The following POC1A variants were observed in gnomAD, a reference collection of about 807,000 sequenced individuals.
POC1A encodes POC1 centriolar protein A, also known as POC1 centriolar protein homolog A.
A neutral mutation model predicts 47.8 loss-of-function variants in POC1A; 34 were observed. The observed-to-expected ratio is 0.71, with a 90% CI of 0.54 to 0.95. POC1A has a LOEUF of 0.95. Ranked by LOEUF, POC1A falls within the 40% of genes least tolerant of loss-of-function variation. The pLI is 0.00. For missense variants in POC1A, 466 were observed against 528.3 expected, an observed-to-expected ratio of 0.88 and a Z score of 1.16; for synonymous variants, 177 against 207.6, an observed-to-expected ratio of 0.85 and a Z score of 1.27.
chr3:52,102,662 A>G (rs531640364), intron 9 of POC1A, among the ~76,000 whole-genome samples: 1 of 152,252 alleles, frequency 6.6e-6, no homozygotes, highest in African/African-American at 2.4e-5. Context: ...GGAGGCTCCC[A>G]TTCAACACAC....
chr3:52,125,036 A>G lies in POC1A; in HGVS notation c.882+77T>C, dbSNP rs1358606619. On this transcript the variant is annotated intron_variant, in intron 8 of 10. Transcript: ENST00000296484. ...CTGGCGAAACCCAGCCCATCCCCCA[A>G]ACACCCTGTTTGGTTCTGAGCAGAA... 4.2e-6 allele frequency: 5 copies of G among 1,185,282 alleles called. No homozygotes were observed. In the East Asian group the frequency reaches 1.2e-4, roughly 28 times the overall value. 73.4% of individuals were successfully genotyped at this position (1,185,282 alleles called of 1,614,324 possible). A position where few individuals can be genotyped will look rare whatever the true frequency, so the allele number is the denominator to read the frequency against.
At chr3:52,096,910 T>C (rs1311031854) in intron 9 of POC1A, among the ~76,000 whole-genome samples, 198 bp from the exon 10 acceptor site, 1 of 152,220 alleles carries the variant, frequency 6.6e-6, no homozygotes, top group Non-Finnish European at 1.5e-5. Flanking sequence ...GGCAGAGGCC[T>C]TAAGTGGGGA....
At chr3:52,139,372 C>A (rs753269829) in intron 6 of POC1A, among the ~76,000 whole-genome samples, 1 of 152,228 alleles carries the variant, frequency 6.6e-6, no homozygotes, top group South Asian at 2.1e-4. Context: ...TCCCTACCAT[C>A]TCAGGCTAAC....
intron 7 of POC1A, among the ~76,000 whole-genome samples, chr3:52,136,671 C>T (rs1207988972): frequency 6.6e-6 from 1 of 152,224 alleles, no homozygotes; most frequent in Non-Finnish European, 1.5e-5. Flanking sequence ...TGTCCCTTGG[C>T]CTGGTTCCCA....
At position 52,079,508 on chromosome 3, in the gene POC1A, G is replaced by T. The variant is rs1577789423; in HGVS notation, c.1126-3523C>A. Among the ~76,000 whole-genome samples, 2 of 152,362 alleles carry T rather than the reference G, an allele frequency of 1.3e-5. No individual in the cohort carries two copies. Among genetic ancestry groups the T allele is most frequent in the South Asian group, 4.1e-4 (2 of 4,826 alleles). Reference sequence around the variant, plus strand: ...GACTTTCATTTATTCAAGGAAAAATGAGCGCTGACCTTCCAAACAGTTCCT... The same window carrying T: ...GACTTTCATTTATTCAAGGAAAAATTAGCGCTGACCTTCCAAACAGTTCCT... On this transcript the variant is annotated intron_variant, in intron 10 of 10. Transcript: ENST00000296484. The surrounding 1 kb of genome is among the most constrained non-coding windows in gnomAD (Gnocchi z 4.6).
At chr3:52,138,962 T>C (rs113790966) in intron 6 of POC1A, among the ~76,000 whole-genome samples, 2,568 of 152,246 alleles carry the variant, frequency 0.017, 62 homozygotes, top group African/African-American at 0.054. Flanking sequence ...GCCTCCTGAG[T>C]AGCTGAGACT....
rs188657915 is a variant in POC1A at position 52,154,393 on chromosome 3, A to T, written c.-21T>A. On this transcript the variant is annotated 5_prime_UTR_variant, in exon 1 of 11. Coordinates refer to ENST00000296484, the MANE Select transcript of POC1A (RefSeq NM_015426.5). ...GCCATGGCGGGGCTGGCGGCGCCGA[A>T]GGCAGCTGCGGTGGCCGTTGCGGCC... 8.5e-4 allele frequency: 1,254 copies of T among 1,467,188 alleles called. 10 individuals carry two copies. In the East Asian group the frequency reaches 0.025, roughly 29 times the overall value. The allele number at this position is 1,467,188 out of a possible 1,614,324, so 90.9% of individuals were successfully genotyped here.
intron 10 of POC1A, among the ~76,000 whole-genome samples, chr3:52,082,044 A>G (rs1226561042): frequency 6.6e-6 from 1 of 151,700 alleles, no homozygotes; most frequent in Non-Finnish European, 1.5e-5. Context: ...GAGTATGAGG[A>G]CCCCCAAGAA....
chr3:52,127,827 C>G (rs1469758877), intron 7 of POC1A, among the ~76,000 whole-genome samples: 1 of 152,032 alleles, frequency 6.6e-6, no homozygotes, highest in African/African-American at 2.4e-5. Context: ...TCCCAAGTAG[C>G]TGAGGTTGCA....
chr3:52,118,547 A>C (rs1252783859), intron 9 of POC1A, among the ~76,000 whole-genome samples: 1 of 152,182 alleles, frequency 6.6e-6, no homozygotes, highest in Non-Finnish European at 1.5e-5. Flanking sequence ...GGTCATGGGC[A>C]GGGGGTTTTC....
chr3:52,150,066 G>A (rs1698508508), intron 2 of POC1A, 79 bp from the exon 3 acceptor site: 18 of 1,267,770 alleles, frequency 1.4e-5, no homozygotes, highest in Admixed American at 2.1e-5. Flanking sequence ...GAGGCAGGGG[G>A]AGCAACTGGC....
intron 9 of POC1A, among the ~76,000 whole-genome samples, chr3:52,101,716 A>G (rs1315124350): frequency 6.6e-6 from 1 of 152,234 alleles, no homozygotes; most frequent in Non-Finnish European, 1.5e-5. Context: ...AACAGAACAG[A>G]GCTTCCATAA....
intron 7 of POC1A, among the ~76,000 whole-genome samples, chr3:52,134,354 G>T (rs916295969): frequency 6.6e-6 from 1 of 152,236 alleles, no homozygotes; most frequent in African/African-American, 2.4e-5. Context: ...CAAGAAGGCT[G>T]GATGCAGTGG....
intron 7 of POC1A, among the ~76,000 whole-genome samples, chr3:52,135,738 C>T (rs1704432475): frequency 6.6e-6 from 1 of 152,202 alleles, no homozygotes; most frequent in Non-Finnish European, 1.5e-5. Flanking sequence ...CACACACTCA[C>T]ACCCCTACCT....
At chr3:52,078,025 C>T (rs1042790952) in intron 10 of POC1A, among the ~76,000 whole-genome samples, 3 of 152,176 alleles carry the variant, frequency 2.0e-5, no homozygotes, top group Non-Finnish European at 4.4e-5. Flanking sequence ...TGAAGGGTGC[C>T]ACCCCGTTGA....
At chr3:52,097,539 A>T (rs966257190) in intron 9 of POC1A, among the ~76,000 whole-genome samples, 4 of 152,194 alleles carry the variant, frequency 2.6e-5, no homozygotes, top group Non-Finnish European at 4.4e-5. Flanking sequence ...GGAGCCAAGG[A>T]TGTCCAAGGG....
intron 10 of POC1A, among the ~76,000 whole-genome samples, chr3:52,094,131 A>G (rs1178480298): frequency 6.6e-6 from 1 of 152,224 alleles, no homozygotes; most frequent in African/African-American, 2.4e-5. Flanking sequence ...GAACAGCACA[A>G]TTCACATGGA....
intron 9 of POC1A, among the ~76,000 whole-genome samples, chr3:52,111,595 G>A (rs1703384034): frequency 6.8e-6 from 1 of 147,686 alleles, no homozygotes; most frequent in Admixed American, 6.8e-5. Flanking sequence ...ACAGTAAGCC[G>A]AGATCGCGCT....
intron 9 of POC1A, among the ~76,000 whole-genome samples, chr3:52,101,033 A>G (rs949826011): frequency 2.6e-5 from 4 of 151,298 alleles, no homozygotes; most frequent in Non-Finnish European, 5.9e-5. Flanking sequence ...CCAGGGAGAC[A>G]GAGTCTGCTT....
Sources: allele counts gnomAD v4.1 joint callset (sites outside exome capture counted in the v4.1 genomes callset), GRCh38; gene constraint gnomAD v4.1.1; non-coding constraint Gnocchi (gnomAD v3.1); transcripts MANE v1.5; gene names NCBI Gene and HGNC (gene_info 2026-07-23, HGNC 2026-07-21).